Variants in CHODL observed in about 807,000 individuals in gnomAD.
The protein encoded by CHODL is chondrolectin.
A neutral mutation model predicts 34.5 loss-of-function variants in CHODL; 29 were observed. The ratio of observed to expected loss-of-function variants is 0.84; its 90% CI spans 0.63 to 1.15. The LOEUF is 1.15. CHODL is among the 50% of genes most tolerant of loss of function. The pLI is 0.00. For synonymous variants in CHODL, 125 were observed against 116.1 expected (o/e 1.08, Z -0.49); for missense variants, 332 against 332.5 (o/e 1.00, Z 0.01).
At chr21:18,048,930 A>T (rs209277) in intron 2 of CHODL, among the ~76,000 whole-genome samples, 87,252 of 151,068 alleles carry the variant, frequency 0.58, 25,750 homozygotes, top group East Asian at 0.76. Flanking sequence ...ACATTTTTTT[A>T]AAAAAAATAG....
At chr21:17,972,032 A>G (rs1353768433) in intron 1 of CHODL, among the ~76,000 whole-genome samples, 2 of 152,214 alleles carry the variant, frequency 1.3e-5, no homozygotes, top group Non-Finnish European at 2.9e-5. Flanking sequence ...AACGTAATCC[A>G]TCACATAAAC....
chr21:18,170,488 C>T (rs544261708), intron 2 of CHODL, among the ~76,000 whole-genome samples: 7 of 152,228 alleles, frequency 4.6e-5, no homozygotes, highest in African/African-American at 1.7e-4. Flanking sequence ...TTGTACTTCT[C>T]TATTACTGGC....
At chr21:18,022,990 T>A (rs2064141534) in intron 1 of CHODL, among the ~76,000 whole-genome samples, 1 of 152,226 alleles carries the variant, frequency 6.6e-6, no homozygotes, top group Non-Finnish European at 1.5e-5. Flanking sequence ...AGGCACATGT[T>A]AAGCTGGTAA....
chr21:17,963,091 T>C (rs530666779), intron 1 of CHODL, among the ~76,000 whole-genome samples: 1 of 151,094 alleles, frequency 6.6e-6, no homozygotes, highest in Non-Finnish European at 1.5e-5. Flanking sequence ...ATAATAATAA[T>C]AATAACTTCC....
intron 1 of CHODL, among the ~76,000 whole-genome samples, chr21:17,960,550 C>T (rs1328496799): frequency 2.6e-5 from 4 of 152,158 alleles, no homozygotes; most frequent in African/African-American, 7.2e-5. Context: ...TGTTTTGAAA[C>T]CTTTCTTGGC....
At chr21:18,048,639 C>A (rs1467265471) in intron 2 of CHODL, among the ~76,000 whole-genome samples, 1 of 151,922 alleles carries the variant, frequency 6.6e-6, no homozygotes, top group Admixed American at 6.6e-5. Flanking sequence ...TGTTTATGAT[C>A]TTTGAACTTC....
intron 1 of CHODL, among the ~76,000 whole-genome samples, chr21:17,989,653 A>G (rs2063781461): frequency 6.6e-6 from 1 of 152,150 alleles, no homozygotes; most frequent in South Asian, 2.1e-4. Flanking sequence ...TTTTATACCA[A>G]CCTGCAATTA....
rs574229188 is a variant in CHODL at position 18,111,585 on chromosome 21, A to T, written c.-45+83614A>T. Among the ~76,000 whole-genome samples the T allele has an allele frequency of 7.2e-5, 11 of 152,292 alleles. No homozygotes were observed. The East Asian group carries it at 2.1e-3, about 29-fold the overall frequency. On this transcript the variant is annotated intron_variant, in intron 2 of 6. Transcript: ENST00000400127. ...AGGTTGGCTGTCATTTCCTTAAGCC[A>T]TATAGTCTGGCTCAGACACTTTAAT... is the stretch of plus-strand genomic sequence containing the variant.
chr21:17,988,370 GTTTTT>G (rs1203424420), intron 1 of CHODL, among the ~76,000 whole-genome samples: 1 of 132,542 alleles, frequency 7.5e-6, no homozygotes, highest in African/African-American at 2.8e-5. Context: ...CCTGTGGGAA[GTTTTT>G]TTTTTTTTTC....
chr21:18,063,166 T>C (rs1160819906), intron 2 of CHODL, among the ~76,000 whole-genome samples: 1 of 152,202 alleles, frequency 6.6e-6, no homozygotes, highest in Non-Finnish European at 1.5e-5. Context: ...AGACTTTTGC[T>C]GATAATATCA....
chr21:18,247,470 A>AAGG (rs1432557331), intron 1 of CHODL, among the ~76,000 whole-genome samples: 3 of 152,162 alleles, frequency 2.0e-5, no homozygotes, highest in African/African-American at 7.2e-5. Context: ...AATATTCAAT[A>AAGG]AGGTACTTTC....
intron 1 of CHODL, among the ~76,000 whole-genome samples, chr21:18,022,044 A>G (rs1020223244): frequency 1.3e-5 from 2 of 152,192 alleles, no homozygotes; most frequent in Non-Finnish European, 2.9e-5. Flanking sequence ...TGCTATTATA[A>G]GAAGTGATAC....
chr21:18,063,171 A>C (rs1187484010), intron 2 of CHODL, among the ~76,000 whole-genome samples: 1 of 152,246 alleles, frequency 6.6e-6, no homozygotes, highest in Non-Finnish European at 1.5e-5. Flanking sequence ...TTTGCTGATA[A>C]TATCACTGTG....
Position 18,075,744 on chromosome 21 carries a change from G to A in CHODL, c.-45+47773G>A, listed in dbSNP as rs143035468. 3.3e-5 allele frequency among the ~76,000 whole-genome samples: 5 copies of A among 152,126 alleles called. No individual in the cohort carries two copies. In the East Asian group the frequency reaches 7.8e-4, roughly 24 times the overall value. The stretch of plus-strand genomic sequence containing the variant: ...GTACATGATCTCTATGTCTGCCTTT[G>A]CTATGGTCTAAATGTTATTGTACCC... On this transcript the variant is annotated intron_variant, in intron 2 of 6. Transcript: ENST00000400127.
At position 18,081,604 on chromosome 21, in the gene CHODL, C is replaced by A. The variant is rs957958397; in HGVS notation, c.-45+53633C>A. 3.3e-5 allele frequency among the ~76,000 whole-genome samples: 5 copies of A among 151,714 alleles called. No homozygotes were observed. The South Asian group carries it at 1.0e-3, about 32-fold the overall frequency. ...GCTGAGGCAAGAGAATCGCTTGAACCCAGGAGGCGGAGGTTGCAGTGAGCT... is the reference window on the plus strand; with the variant it reads ...GCTGAGGCAAGAGAATCGCTTGAACACAGGAGGCGGAGGTTGCAGTGAGCT... On this transcript the variant is annotated intron_variant, in intron 2 of 6. Transcript: ENST00000400127.
At chr21:18,187,144 A>G (rs1395816244) in intron 2 of CHODL, among the ~76,000 whole-genome samples, 2 of 152,186 alleles carry the variant, frequency 1.3e-5, no homozygotes, top group Non-Finnish European at 2.9e-5. Flanking sequence ...TCTCATTTTC[A>G]ATTAAATAGT....
At chr21:17,998,576 A>G (rs1030998217) in intron 1 of CHODL, among the ~76,000 whole-genome samples, 1 of 152,214 alleles carries the variant, frequency 6.6e-6, no homozygotes, top group Non-Finnish European at 1.5e-5. Context: ...AGGCATTTCC[A>G]TACATCTTCT....
intron 2 of CHODL, among the ~76,000 whole-genome samples, chr21:18,217,416 G>A (rs1434325108): frequency 3.3e-5 from 5 of 152,010 alleles, no homozygotes; most frequent in Non-Finnish European, 7.4e-5. Context: ...AGCAAAAGGG[G>A]GAAAAGCCCC....
intron 2 of CHODL, among the ~76,000 whole-genome samples, chr21:18,137,505 T>C (rs1447828267): frequency 6.6e-6 from 1 of 152,286 alleles, no homozygotes; most frequent in East Asian, 1.9e-4. Flanking sequence ...TGCCAAGATC[T>C]TCCTAACTTC....
Sources: allele counts gnomAD v4.1 joint callset (sites outside exome capture counted in the v4.1 genomes callset), GRCh38; gene constraint gnomAD v4.1.1; transcripts MANE v1.5; gene names NCBI Gene and HGNC (gene_info 2026-07-23, HGNC 2026-07-21).